The following EYS variants were observed in gnomAD, a reference collection of about 807,000 sequenced individuals.
The protein encoded by EYS is EGF-like photoreceptor maintenance factor.
A neutral mutation model predicts 282.1 loss-of-function variants in EYS; 250 were observed. The observed-to-expected ratio is 0.89, with a 90% CI of 0.80 to 0.98. The LOEUF (loss-of-function observed/expected upper bound fraction) is 0.98. Ranked by LOEUF, EYS falls within the 50% of genes least tolerant of loss-of-function variation. The pLI, the probability that EYS is intolerant of heterozygous loss-of-function variation, is 0.00. For missense variants in EYS, 4,016 were observed against 3,709.0 expected, an observed-to-expected ratio of 1.08 and a Z score of -2.15; for synonymous variants, 1,355 against 1,282.9, an observed-to-expected ratio of 1.06 and a Z score of -1.20.
At chr6:63,828,241 A>G (rs905998531) in intron 36 of EYS, among the ~76,000 whole-genome samples, 1 of 152,216 alleles carries the variant, frequency 6.6e-6, no homozygotes, top group South Asian at 2.1e-4. Context: ...TCAGATCAGA[A>G]CTAAATGAAA....
At chr6:65,124,624 T>C (rs945836319) in intron 12 of EYS, among the ~76,000 whole-genome samples, 1 of 152,168 alleles carries the variant, frequency 6.6e-6, no homozygotes, top group African/African-American at 2.4e-5. Context: ...CATTAAATCA[T>C]AGTGACTGTT....
intron 1 of EYS, among the ~76,000 whole-genome samples, chr6:65,696,555 A>G (rs967824870): frequency 6.6e-6 from 1 of 151,948 alleles, no homozygotes; most frequent in African/African-American, 2.4e-5. Context: ...TTGATAAGCT[A>G]GATTATTAAA....
At chr6:64,681,879 C>T (rs192481444) in intron 22 of EYS, among the ~76,000 whole-genome samples, 1 of 152,258 alleles carries the variant, frequency 6.6e-6, no homozygotes, top group African/African-American at 2.4e-5. Flanking sequence ...ATTTGTTACA[C>T]CACATGTCTT....
At chr6:63,790,701 T>C (rs555289088) in intron 37 of EYS, among the ~76,000 whole-genome samples, 25 of 152,078 alleles carry the variant, frequency 1.6e-4, no homozygotes, top group Non-Finnish European at 2.5e-4. Context: ...ATACTAGAGA[T>C]TGGAGATAGT....
intron 8 of EYS, among the ~76,000 whole-genome samples, chr6:65,377,214 A>G (rs1019131760): frequency 6.6e-6 from 1 of 152,186 alleles, no homozygotes; most frequent in Non-Finnish European, 1.5e-5. Context: ...AAAACTCAGG[A>G]TTAAGAAAGT....
chr6:64,795,901 A>G (rs1354091772), intron 22 of EYS, among the ~76,000 whole-genome samples: 1 of 152,200 alleles, frequency 6.6e-6, no homozygotes, highest in Non-Finnish European at 1.5e-5. Context: ...GGGTTTATGC[A>G]TTGTAGAATG....
chr6:64,110,982 A>T (rs1217553300), intron 31 of EYS, among the ~76,000 whole-genome samples: 1 of 152,026 alleles, frequency 6.6e-6, no homozygotes, highest in African/African-American at 2.4e-5. Flanking sequence ...GAGAAGAATC[A>T]TAGGGCAGTA....
intron 22 of EYS, among the ~76,000 whole-genome samples, chr6:64,802,953 C>T (rs914804598): frequency 3.9e-5 from 6 of 152,158 alleles, no homozygotes; most frequent in Non-Finnish European, 8.8e-5. Flanking sequence ...TGTGGTGAGG[C>T]GGGCAGCTCC....
chr6:64,301,724 C>G (rs1175311112), intron 30 of EYS, among the ~76,000 whole-genome samples: 1 of 152,106 alleles, frequency 6.6e-6, no homozygotes, highest in Admixed American at 6.5e-5. Flanking sequence ...CTGATAAACC[C>G]CTTCAGTTCT....
chr6:65,034,288 G>T (rs1237437995), intron 13 of EYS, among the ~76,000 whole-genome samples: 1 of 152,156 alleles, frequency 6.6e-6, no homozygotes, highest in Non-Finnish European at 1.5e-5. Flanking sequence ...TTAATGAAAT[G>T]AATTAAATCT....
chr6:64,611,431 C>G (rs1461411092), intron 24 of EYS, among the ~76,000 whole-genome samples: 1 of 152,222 alleles, frequency 6.6e-6, no homozygotes. Context: ...ATATTACTAC[C>G]AAATAAGCGT....
At chr6:64,195,666 T>G (rs898666278) in intron 31 of EYS, among the ~76,000 whole-genome samples, 1 of 152,200 alleles carries the variant, frequency 6.6e-6, no homozygotes, top group Non-Finnish European at 1.5e-5. Context: ...CTATAATGTT[T>G]CTTTATGTGT....
chr6:63,784,471 A>T (rs991755279), intron 39 of EYS, among the ~76,000 whole-genome samples: 5 of 152,170 alleles, frequency 3.3e-5, no homozygotes, highest in African/African-American at 1.2e-4. Context: ...TATAAAGAAA[A>T]GAGATTTAAT....
intron 33 of EYS, among the ~76,000 whole-genome samples, chr6:64,032,970 C>T (rs1769926221): frequency 6.6e-6 from 1 of 152,200 alleles, no homozygotes; most frequent in Non-Finnish European, 1.5e-5. Context: ...GCCACTCTCT[C>T]CTCTCTTGAG....
At chr6:64,095,838 T>C (rs1164636465) in intron 31 of EYS, among the ~76,000 whole-genome samples, 1 of 152,220 alleles carries the variant, frequency 6.6e-6, no homozygotes, top group Non-Finnish European at 1.5e-5. Flanking sequence ...TGATGCAGTT[T>C]CTTCCTAGCC....
chr6:64,435,118 A>G (rs1233931370), intron 28 of EYS, among the ~76,000 whole-genome samples: 1 of 152,082 alleles, frequency 6.6e-6, no homozygotes, highest in Non-Finnish European at 1.5e-5. Flanking sequence ...AAAGATATTA[A>G]ATGTGTGTCT....
intron 26 of EYS, among the ~76,000 whole-genome samples, chr6:64,450,558 C>A (rs1775293377): frequency 6.6e-6 from 1 of 152,052 alleles, no homozygotes; most frequent in South Asian, 2.1e-4. Context: ...AATATACATT[C>A]TTTCAGCACC....
At chr6:65,129,957 C>T (rs1561981284) in intron 12 of EYS, among the ~76,000 whole-genome samples, 1 of 151,760 alleles carries the variant, frequency 6.6e-6, no homozygotes, top group Admixed American at 6.6e-5. Flanking sequence ...ACATATACAT[C>T]ATAGAATCTT....
At chr6:64,120,967 G>A (rs1287600880) in intron 31 of EYS, among the ~76,000 whole-genome samples, 1 of 152,180 alleles carries the variant, frequency 6.6e-6, no homozygotes, top group Non-Finnish European at 1.5e-5. Context: ...ATTTGTAGGA[G>A]AGAAGTCTTT....
Sources: gnomAD v4.1 joint callset for allele counts (sites outside exome capture counted in the v4.1 genomes callset) on GRCh38, gnomAD v4.1.1 for gene constraint, MANE v1.5 for transcripts, NCBI Gene and HGNC (gene_info 2026-07-23, HGNC 2026-07-21) for gene names.